The following PRUNE2 variants were observed in gnomAD, a reference collection of about 807,000 sequenced individuals.
PRUNE2 encodes the protein protein prune homolog 2.
Under a neutral mutation model 252.0 loss-of-function variants are expected in PRUNE2, and 164 were observed. The ratio of observed to expected loss-of-function variants is 0.65; its 90% confidence interval spans 0.57 to 0.74. The LOEUF (loss-of-function observed/expected upper bound fraction) is 0.74, where lower values mean the gene tolerates loss of function less well. Among genes scored for constraint, PRUNE2 ranks in the 30% least tolerant of loss-of-function variants. PRUNE2 has a pLI of 0.00. For synonymous variants in PRUNE2, 1,292 were observed against 1,350.2 expected (o/e 0.96, Z 0.94); for missense variants, 3,495 against 3,711.0 (o/e 0.94, Z 1.51).
chr9:76,852,449 A>G (rs2060012002), intron 2 of PRUNE2, among the ~76,000 whole-genome samples: 1 of 152,236 alleles, frequency 6.6e-6, no homozygotes, highest in South Asian at 2.1e-4. Flanking sequence ...TCTACCACGT[A>G]ACTTTGAGAA....
intron 4 of PRUNE2, among the ~76,000 whole-genome samples, chr9:76,837,505 T>A (rs2132257093): frequency 6.9e-6 from 1 of 144,776 alleles, no homozygotes; most frequent in South Asian, 2.2e-4. Flanking sequence ...ATACACTGAT[T>A]GAGGAGCAGG....
chr9:76,818,024 C>T (rs1484602086), intron 6 of PRUNE2, among the ~76,000 whole-genome samples: 1 of 152,146 alleles, frequency 6.6e-6, no homozygotes, highest in African/African-American at 2.4e-5. Context: ...AAATCATATG[C>T]TCACCAATAT....
chr9:76,658,948 T>C (rs1850258816), intron 9 of PRUNE2, among the ~76,000 whole-genome samples: 1 of 152,200 alleles, frequency 6.6e-6, no homozygotes, highest in African/African-American at 2.4e-5. Flanking sequence ...GAAGTTAGGG[T>C]AGCCACATGA....
At chr9:76,692,281 G>A (rs2044848162) in intron 9 of PRUNE2, 1 of 638,364 alleles carries the variant, frequency 1.6e-6, no homozygotes, top group South Asian at 1.8e-5. Context: ...GCACAGCTGG[G>A]GCTGTGCTGA....
At chr9:76,678,458 T>C (rs2043018420) in intron 9 of PRUNE2, among the ~76,000 whole-genome samples, 1 of 151,900 alleles carries the variant, frequency 6.6e-6, no homozygotes, top group South Asian at 2.1e-4. Context: ...AAAAGATTTC[T>C]TGGTCAAAAT....
chr9:76,627,226 G>C (rs1472104850), intron 16 of PRUNE2, among the ~76,000 whole-genome samples: 1 of 145,918 alleles, frequency 6.9e-6, no homozygotes, highest in Non-Finnish European at 1.5e-5. Flanking sequence ...TTAATCTCTT[G>C]AGTAGCTAGG....
At chr9:76,657,974 C>T (rs187208225) in intron 9 of PRUNE2, among the ~76,000 whole-genome samples, 1 of 152,298 alleles carries the variant, frequency 6.6e-6, no homozygotes, top group East Asian at 1.9e-4. Flanking sequence ...TTTCTTCCCC[C>T]TGTGTTAGCA....
chr9:76,769,520 G>A (rs2052850166), intron 6 of PRUNE2, among the ~76,000 whole-genome samples: 2 of 152,080 alleles, frequency 1.3e-5, no homozygotes, highest in South Asian at 4.1e-4. Flanking sequence ...CCGCCCCCCG[G>A]GTTCAAGTGA....
intron 9 of PRUNE2, among the ~76,000 whole-genome samples, chr9:76,668,786 C>T (rs1052962626): frequency 1.3e-5 from 2 of 151,674 alleles, no homozygotes; most frequent in Non-Finnish European, 2.9e-5. Context: ...TGGCTGGGGA[C>T]TTCTCACCTT....
chr9:76,675,832 G>A (rs575225160), intron 9 of PRUNE2, among the ~76,000 whole-genome samples: 5 of 120,868 alleles, frequency 4.1e-5, no homozygotes, highest in East Asian at 2.4e-4. Flanking sequence ...ACCAAACACC[G>A]CGTATTCTCA....
At chr9:76,875,137 T>G (rs1297074643) in intron 1 of PRUNE2, among the ~76,000 whole-genome samples, 1 of 152,022 alleles carries the variant, frequency 6.6e-6, no homozygotes, top group Admixed American at 6.6e-5. Flanking sequence ...CACCAGCACC[T>G]CCCTCTACCT....
rs71354684 is a variant in PRUNE2 at position 76,816,163 on chromosome 9, CA to C, written c.756+7468del. ...GGCAACAAGAGCAAAACTCCATCTC[CA>C]AAAAAAAAAAAAAAAAGAATTATAT... On this transcript the variant is annotated intron_variant, in intron 6 of 18. Coordinates refer to ENST00000376718, the MANE Select transcript of PRUNE2 (RefSeq NM_015225.3). Among the ~76,000 whole-genome samples, 203 of 84,882 alleles carry C rather than the reference CA, an allele frequency of 2.4e-3. 1 individual carries two copies. The highest frequency in any genetic ancestry group is 0.018 in the Middle Eastern group (2 of 114). The allele number at this position is 84,882 out of a possible 152,430, so 55.7% of individuals were successfully genotyped here. A position where few individuals can be genotyped will look rare whatever the true frequency, so the allele number is the denominator to read the frequency against.
chr9:76,767,451 C>A (rs1349767120), intron 6 of PRUNE2, among the ~76,000 whole-genome samples: 2 of 146,466 alleles, frequency 1.4e-5, no homozygotes, highest in African/African-American at 5.0e-5. Flanking sequence ...AACTCTGTCT[C>A]AAAAAAAAAA....
In PRUNE2 at chr9:76,711,034, G is replaced by C. The variant is rs1446047503; in HGVS notation, c.1240C>G (p.Gln414Glu). The C allele has an allele frequency of 2.5e-6, 4 of 1,613,876 alleles. No homozygotes were observed. The Admixed American group carries it at 5.0e-5, about 20-fold the overall frequency. ...ENPPDLNDSN[Q>E]AQVDANVDLV... ...TCTACATTGGCATCCACCTGAGCCT[G>C]GTTAGAATCATTGAGATCTGGAGGG... The change falls in exon 8 of 19, where the codon CAG becomes GAG. Residue 414 changes from glutamine (Q) to glutamate (E), a missense_variant. Transcript: ENST00000376718.
At chr9:76,657,182 C>T (rs1849575374) in intron 9 of PRUNE2, among the ~76,000 whole-genome samples, 1 of 152,226 alleles carries the variant, frequency 6.6e-6, no homozygotes, top group Admixed American at 6.5e-5. Flanking sequence ...TGACATCAAA[C>T]TTCTCGTACC....
At chr9:76,886,704 G>A (rs937147513) in intron 1 of PRUNE2, among the ~76,000 whole-genome samples, 8 of 152,220 alleles carry the variant, frequency 5.3e-5, no homozygotes, top group Admixed American at 3.3e-4. Flanking sequence ...TGACTGAAGC[G>A]GGTGAACACA....
intron 6 of PRUNE2, among the ~76,000 whole-genome samples, chr9:76,720,301 T>G (rs2047524757): frequency 6.6e-6 from 1 of 152,188 alleles, no homozygotes; most frequent in Admixed American, 6.5e-5. Flanking sequence ...TTTATTAAAG[T>G]TGTCATAATT....
chr9:76,787,114 A>G (rs1181869051), intron 6 of PRUNE2: 1 of 152,164 alleles, frequency 6.6e-6, no homozygotes, highest in African/African-American at 2.4e-5. Context: ...TATCTGCCCT[A>G]TCAATTTTTT....
chr9:76,723,136 A>C (rs1038770090), intron 6 of PRUNE2, among the ~76,000 whole-genome samples: 1 of 152,216 alleles, frequency 6.6e-6, no homozygotes, highest in Non-Finnish European at 1.5e-5. Flanking sequence ...ACTGTTAACT[A>C]TATGTAAGAT....
Sources: allele counts gnomAD v4.1 joint callset (sites outside exome capture counted in the v4.1 genomes callset), GRCh38; gene constraint gnomAD v4.1.1; transcripts MANE v1.5; gene names NCBI Gene and HGNC (gene_info 2026-07-23, HGNC 2026-07-21).